ANKRD36: variants seen among roughly 807,000 people sequenced by gnomAD.
ANKRD36 encodes ankyrin repeat domain 36, also known as ankyrin repeat domain-containing protein 36A.
ANKRD36 carries 179 observed loss-of-function variants against 278.1 expected under a neutral mutation model. That is an observed-to-expected ratio of 0.64 (90% confidence interval 0.57 to 0.73). ANKRD36 has a LOEUF of 0.73. Ranked by LOEUF, ANKRD36 falls within the 30% of genes least tolerant of loss-of-function variation. The pLI, the probability that ANKRD36 is intolerant of heterozygous loss-of-function variation, is 0.00. For missense variants in ANKRD36, 1,159 were observed against 1,956.7 expected (o/e 0.59, Z 7.69); for synonymous variants, 320 against 641.1 (o/e 0.50, Z 7.57).
chr2:97,173,558 T>C (rs1447807588), intron 22 of ANKRD36, among the ~76,000 whole-genome samples: 1 of 151,828 alleles, frequency 6.6e-6, no homozygotes, highest in Non-Finnish European at 1.5e-5. Flanking sequence ...AGAATGGGAT[T>C]GTACAGATGT....
chr2:97,188,809 G>A lies in ANKRD36; in HGVS notation c.2144-278G>A, dbSNP rs544662015. On this transcript the variant is annotated intron_variant, in intron 32 of 75. Transcript: ENST00000420699. ...TTAGATCACTTTGTCCTCATCACTC[G>A]GCATATCCACATTGATATTGACACG... 2.5e-4 allele frequency among the ~76,000 whole-genome samples: 24 copies of A among 96,378 alleles called. 2 individuals are homozygous for A. The highest frequency in any genetic ancestry group is 4.8e-4 in the African/African-American group (19 of 39,186). 63.2% of individuals were successfully genotyped at this position (96,378 alleles called of 152,430 possible).
intron 6 of ANKRD36, among the ~76,000 whole-genome samples, chr2:97,131,621 T>C (rs2443910): frequency 8.1e-4 from 124 of 152,232 alleles, no homozygotes; most frequent in Non-Finnish European, 1.1e-3. Flanking sequence ...TTTGACTTTT[T>C]GACCTGTTCT....
intron 10 of ANKRD36, among the ~76,000 whole-genome samples, chr2:97,145,337 A>G (rs1224829629): frequency 6.6e-6 from 1 of 152,026 alleles, no homozygotes; most frequent in Non-Finnish European, 1.5e-5. Flanking sequence ...AGAGTGCTAG[A>G]ATTGTGATGA....
At position 97,204,228 on chromosome 2, in the gene ANKRD36, C is replaced by T; in HGVS notation, c.3026C>T (p.Ala1009Val). 1 of 1,581,704 alleles carries T rather than the reference C, an allele frequency of 6.3e-7. No homozygotes were observed. The highest frequency in any genetic ancestry group is 1.2e-5 in the South Asian group (1 of 86,296). Residue 1009 changes from alanine to valine, a missense_variant, in exon 50 of 76, where the codon GCC becomes GTC. Ala to Val is a moderately conservative substitution (Grantham distance 64). Coordinates refer to ENST00000420699, the MANE Select transcript of ANKRD36 (RefSeq NM_001354587.1). Reference sequence around the variant, plus strand: ...GAGAAAGATTCTGTTTTGAATATAGCCAGAGGAAAAAAGGATGGAGAAAAA... The same window carrying T: ...GAGAAAGATTCTGTTTTGAATATAGTCAGAGGAAAAAAGGATGGAGAAAAA... ...SDEKDSVLNIARGKKDGEKTR... is the reference protein window; with the variant it reads ...SDEKDSVLNIVRGKKDGEKTR...
chr2:97,183,525 T>G (rs568162811), intron 27 of ANKRD36, 38 bp downstream of exon 27: 74 of 1,552,856 alleles, frequency 4.8e-5, no homozygotes, highest in Middle Eastern at 4.6e-4. Context: ...ATTATTTATT[T>G]TATAGCCTAT....
intron 22 of ANKRD36, among the ~76,000 whole-genome samples, chr2:97,169,798 A>G (rs552290725): frequency 6.6e-6 from 1 of 152,388 alleles, no homozygotes; most frequent in South Asian, 2.1e-4. Context: ...AAACAAATGG[A>G]AGAACATTCC....
intron 6 of ANKRD36, among the ~76,000 whole-genome samples, chr2:97,134,005 A>T (rs549900267): frequency 6.6e-6 from 1 of 152,106 alleles, no homozygotes; most frequent in Admixed American, 6.6e-5. Context: ...CAAATGTATA[A>T]TAAATGTACC....
chr2:97,191,406 A>C (rs1386370886), intron 36 of ANKRD36, among the ~76,000 whole-genome samples: 1 of 151,752 alleles, frequency 6.6e-6, no homozygotes, highest in East Asian at 2.0e-4. Flanking sequence ...TTGGAAGAAG[A>C]AATATGGAGA....
intron 70 of ANKRD36, among the ~76,000 whole-genome samples, chr2:97,244,284 G>T: frequency 7.2e-6 from 1 of 139,080 alleles, no homozygotes. Context: ...TTTGTTCCTA[G>T]TGACATAGTT....
intron 30 of ANKRD36, 34 bp downstream of exon 30, chr2:97,185,544 A>C (rs749795652): frequency 6.3e-7 from 1 of 1,596,994 alleles, no homozygotes; most frequent in South Asian, 1.1e-5. Context: ...TGTCATGTTC[A>C]GTCCAGATAG....
rs529163799 is a variant in ANKRD36 at position 97,192,946 on chromosome 2, T to C, written c.2377-35T>C. 46 of 1,588,208 alleles carry C rather than the reference T, an allele frequency of 2.9e-5. 1 individual carries two copies. In the South Asian group the frequency reaches 4.9e-4, roughly 17 times the overall value. The stretch of plus-strand genomic sequence containing the variant: ...AAGGTATGGTCTATGAAACATACTT[T>C]ATTAATTTATTATTTCATTTGAAAT... On this transcript the variant is annotated intron_variant, in intron 37 of 75. Transcript: ENST00000420699.
At position 97,192,881 on chromosome 2, in the gene ANKRD36, T is replaced by G; in HGVS notation, c.2371T>G (p.Leu791Val). The G allele has an allele frequency of 6.2e-7, 1 of 1,603,950 alleles. No individual in the cohort carries two copies. The highest frequency in any genetic ancestry group is 8.5e-7 in the Non-Finnish European group (1 of 1,177,602). ...GTVSSQKPPA[L>V]TATSDEEGSV... ...AGTGTCTTCTCAGAAACCACCAGCC[T>G]TGACGGTAATGAAACACTCATTTAT... The change falls in exon 37 of 76, where the codon TTG (leucine) becomes GTG (valine). Residue 791 changes from leucine to valine, a missense_variant. Transcript: ENST00000420699.
In ANKRD36 at chr2:97,183,802, G is replaced by T. The variant is rs958745106; in HGVS notation, c.1939+148G>T. The T allele has an allele frequency of 1.1e-5, 12 of 1,137,910 alleles. No homozygotes were observed. In the African/African-American group the frequency reaches 1.1e-4, roughly 11 times the overall value. 70.5% of individuals were successfully genotyped at this position (1,137,910 alleles called of 1,614,324 possible). On this transcript the variant is annotated intron_variant, in intron 28 of 75. Transcript: ENST00000420699. Reference sequence around the variant, plus strand: ...TGCATTTCTAGTAAGTTGTCAGGTGGTGCTGATGCTGCTGGTCCTTGGCCA... The same window carrying T: ...TGCATTTCTAGTAAGTTGTCAGGTGTTGCTGATGCTGCTGGTCCTTGGCCA...
intron 67 of ANKRD36, among the ~76,000 whole-genome samples, chr2:97,227,913 G>A (rs1243495111): frequency 1.3e-5 from 2 of 152,086 alleles, no homozygotes; most frequent in South Asian, 2.1e-4. Context: ...TTTGTCTTTG[G>A]TTCTGTTTAT....
At chr2:97,130,018 T>G (rs1574646128) in intron 6 of ANKRD36, among the ~76,000 whole-genome samples, 1 of 152,140 alleles carries the variant, frequency 6.6e-6, no homozygotes, top group East Asian at 1.9e-4. Flanking sequence ...AAAGTCATTG[T>G]TAGCTTGATG....
At chr2:97,203,277 A>G (rs1444421459) in intron 48 of ANKRD36, among the ~76,000 whole-genome samples, 2 of 151,840 alleles carry the variant, frequency 1.3e-5, no homozygotes, top group Non-Finnish European at 2.9e-5. Context: ...CTCATTTTCA[A>G]TGGGTATTGC....
chr2:97,196,462 C>T (rs1162359739), intron 40 of ANKRD36, 131 bp from the exon 41 acceptor site: 19 of 1,513,134 alleles, frequency 1.3e-5, no homozygotes, highest in Non-Finnish European at 1.6e-5. Flanking sequence ...TCCCCAGACA[C>T]AAAGTAGAAG....
In ANKRD36 at chr2:97,215,621, C is replaced by T. The variant is rs760661400; in HGVS notation, c.3673+124C>T. 5 of 1,553,206 alleles carry T rather than the reference C, an allele frequency of 3.2e-6. No homozygotes were observed. In the South Asian group the frequency reaches 4.8e-5, roughly 15 times the overall value. On this transcript the variant is annotated intron_variant, in intron 62 of 75. Coordinates refer to ENST00000420699, the MANE Select transcript of ANKRD36 (RefSeq NM_001354587.1). The stretch of plus-strand genomic sequence containing the variant: ...TGGATTCAGCATGCCTGAGATTCTT[C>T]ATTTGTAATAAGTCCTCAGGTGACC...
Position 97,194,769 on chromosome 2 carries a change from A to C in ANKRD36, c.2478+15A>C, listed in dbSNP as rs776429056. ...CAGCCTTGAAGGTAATGAAACTCTC[A>C]TTCATATTGTGAGCTAGTAAACGTA... On this transcript the variant is annotated intron_variant, in intron 39 of 75. Transcript: ENST00000420699. 12 of 1,603,208 alleles carry C rather than the reference A, an allele frequency of 7.5e-6. No individual in the cohort carries two copies. The highest frequency in any genetic ancestry group is 1.7e-5 in the Admixed American group (1 of 59,348).
Sources: gnomAD v4.1 joint callset for allele counts (sites outside exome capture counted in the v4.1 genomes callset) on GRCh38, gnomAD v4.1.1 for gene constraint, MANE v1.5 for transcripts, NCBI Gene and HGNC (gene_info 2026-07-23, HGNC 2026-07-21) for gene names.